PIGU: variants seen among roughly 807,000 people sequenced by gnomAD.
The protein encoded by PIGU is GPI-anchor transamidase component PIGU.
PIGU carries 24 observed loss-of-function variants against 49.9 expected under a neutral mutation model. That is an observed-to-expected ratio of 0.48 (90% CI 0.35 to 0.68). The LOEUF is 0.68. Among genes scored for constraint, PIGU ranks in the 30% least tolerant of loss-of-function variants. The probability of loss-of-function intolerance (pLI) is 0.01; values close to 1 mark genes in which losing one functional copy is unlikely to be tolerated. For synonymous variants in PIGU, 220 were observed against 205.7 expected, an observed-to-expected ratio of 1.07 and a Z score of -0.59; for missense variants, 490 against 532.6, an observed-to-expected ratio of 0.92 and a Z score of 0.79.
Position 34,560,630 on chromosome 20 carries a change from G to T in PIGU, c.*236C>A. The T allele has an allele frequency of 4.5e-6, 2 of 440,158 alleles. No homozygotes were observed. Among genetic ancestry groups the T allele is most frequent in the Non-Finnish European group, 8.0e-6 (2 of 249,542 alleles). The allele number at this position is 440,158 out of a possible 1,614,324, so 27.3% of individuals were successfully genotyped here. On this transcript the variant is annotated 3_prime_UTR_variant, in exon 12 of 12. Coordinates refer to ENST00000217446, the MANE Select transcript of PIGU (RefSeq NM_080476.5). ...TCTTCTCCTTCCTGTCTGGGAGGGGGCTCCTTGGTGTGCAGAGCCACAAGG... is the reference window on the plus strand; with the variant it reads ...TCTTCTCCTTCCTGTCTGGGAGGGGTCTCCTTGGTGTGCAGAGCCACAAGG...
At chr20:34,635,632 T>C (rs1985932634) in intron 5 of PIGU, among the ~76,000 whole-genome samples, 1 of 152,160 alleles carries the variant, frequency 6.6e-6, no homozygotes, top group Non-Finnish European at 1.5e-5. Context: ...TCCCAGCACT[T>C]TGGGAGGCCG....
chr20:34,608,354 G>A lies in PIGU; in HGVS notation c.627+7688C>T, dbSNP rs145247976. 4.8e-3 allele frequency among the ~76,000 whole-genome samples: 727 copies of A among 152,218 alleles called. 7 individuals are homozygous for A. Among genetic ancestry groups the A allele is most frequent in the African/African-American group, 0.016 (659 of 41,542 alleles). ...CTCCCAAAGTGCTGGGAATATAGGC[G>A]TGAGCCACCGTGCCCAGCCAAACAC... On this transcript the variant is annotated intron_variant, in intron 7 of 11. Coordinates refer to ENST00000217446, the MANE Select transcript of PIGU (RefSeq NM_080476.5).
At chr20:34,620,828 A>C (rs6142205) in intron 6 of PIGU, among the ~76,000 whole-genome samples, 54,925 of 149,234 alleles carry the variant, frequency 0.37, 10,711 homozygotes, top group Admixed American at 0.54. Context: ...AACAAAAAAA[A>C]AAAAACAAAA....
intron 11 of PIGU, among the ~76,000 whole-genome samples, chr20:34,571,839 G>C (rs1053567223): frequency 1.8e-4 from 28 of 152,160 alleles, no homozygotes; most frequent in African/African-American, 6.8e-4. Flanking sequence ...CATGAAGAGG[G>C]GCTCTCTTAC....
At chr20:34,613,085 C>T (rs181512880) in intron 7 of PIGU, among the ~76,000 whole-genome samples, 21 of 152,242 alleles carry the variant, frequency 1.4e-4, no homozygotes, top group Non-Finnish European at 2.4e-4. Context: ...CACATACAGA[C>T]GGTTACCAAG....
At chr20:34,587,494 T>C (rs545953760) in intron 8 of PIGU, among the ~76,000 whole-genome samples, 26 of 152,334 alleles carry the variant, frequency 1.7e-4, no homozygotes, top group African/African-American at 6.0e-4. Context: ...TTGTTTGTGG[T>C]GGGAACGATT....
At chr20:34,607,548 C>T (rs991212568) in intron 7 of PIGU, among the ~76,000 whole-genome samples, 3 of 152,210 alleles carry the variant, frequency 2.0e-5, no homozygotes, top group South Asian at 4.1e-4. Flanking sequence ...TTGACAGCCA[C>T]TTTCATCAGC....
intron 1 of PIGU, among the ~76,000 whole-genome samples, chr20:34,672,059 G>A (rs1427084831): frequency 2.6e-5 from 4 of 152,072 alleles, no homozygotes; most frequent in South Asian, 2.1e-4. Context: ...CTGCCTTAGC[G>A]TCCCGAGTAG....
At chr20:34,582,141 G>A (rs1983502334) in intron 9 of PIGU, among the ~76,000 whole-genome samples, 1 of 152,198 alleles carries the variant, frequency 6.6e-6, no homozygotes, top group Non-Finnish European at 1.5e-5. Flanking sequence ...ATGGTCAGCA[G>A]GGTCTACAGA....
intron 1 of PIGU, among the ~76,000 whole-genome samples, chr20:34,660,305 ACAT>A (rs1255962716): frequency 6.6e-6 from 1 of 152,176 alleles, no homozygotes; most frequent in Non-Finnish European, 1.5e-5. Context: ...ATAAAATTTT[ACAT>A]GGGCGGTGGT....
intron 6 of PIGU, among the ~76,000 whole-genome samples, chr20:34,619,541 A>G (rs1985130112): frequency 6.6e-6 from 1 of 152,240 alleles, no homozygotes; most frequent in African/African-American, 2.4e-5. Flanking sequence ...GTCTGTTACT[A>G]GAGGATGGAG....
chr20:34,609,598 C>T (rs1984739742), intron 7 of PIGU, among the ~76,000 whole-genome samples: 1 of 152,136 alleles, frequency 6.6e-6, no homozygotes, highest in South Asian at 2.1e-4. Flanking sequence ...CTCCTAACCT[C>T]AGGTGATCCA....
chr20:34,645,193 A>G, intron 3 of PIGU, 82 bp downstream of exon 3: 1 of 1,391,012 alleles, frequency 7.2e-7, no homozygotes, highest in South Asian at 1.5e-5. Context: ...ATCTCAAAAA[A>G]AAAAAAAAAA....
intron 9 of PIGU, 25 bp from the exon 10 acceptor site, chr20:34,581,697 G>C (rs950758247): frequency 8.7e-6 from 14 of 1,609,500 alleles, no homozygotes; most frequent in Non-Finnish European, 1.2e-5. Flanking sequence ...GGGAAAGAGA[G>C]AGAGAGATGA....
At chr20:34,581,750 T>C (rs1600597356) in intron 9 of PIGU, 78 bp from the exon 10 acceptor site, 4 of 1,522,394 alleles carry the variant, frequency 2.6e-6, no homozygotes, top group East Asian at 2.3e-5. Context: ...ACTCCATCCT[T>C]TGAACCAAAA....
rs1349696739 is a variant in PIGU at position 34,585,584 on chromosome 20, G to A, written c.783-4C>T. 1 of 1,611,706 alleles carries A rather than the reference G, an allele frequency of 6.2e-7. No individual in the cohort carries two copies. The highest frequency in any genetic ancestry group is 1.1e-5 in the South Asian group (1 of 90,908). On this transcript the variant is annotated splice_region_variant and splice_polypyrimidine_tract_variant and intron_variant, in intron 8 of 11. Coordinates refer to ENST00000217446, the MANE Select transcript of PIGU (RefSeq NM_080476.5). ...AGTGAGATCTGGAACAGAAAGTCTG[G>A]AATTAAGAAAACAAAGGGAGAGAAA... is the stretch of plus-strand genomic sequence containing the variant.
intron 4 of PIGU, among the ~76,000 whole-genome samples, chr20:34,641,968 G>A (rs1205160836): frequency 6.6e-6 from 1 of 152,122 alleles, no homozygotes; most frequent in African/African-American, 2.4e-5. Context: ...ATAACAGAAT[G>A]TCTTGGTGCA....
At chr20:34,629,458 T>C (rs938401122) in intron 6 of PIGU, among the ~76,000 whole-genome samples, 1 of 152,224 alleles carries the variant, frequency 6.6e-6, no homozygotes, top group Non-Finnish European at 1.5e-5. Context: ...GTCTGTCCCC[T>C]GGCCCAAGAG....
At chr20:34,619,941 C>T (rs574299819) in intron 6 of PIGU, among the ~76,000 whole-genome samples, 1 of 152,330 alleles carries the variant, frequency 6.6e-6, no homozygotes, top group South Asian at 2.1e-4. Flanking sequence ...CTTCCTTCCA[C>T]CAGTCACCAA....
Sources: gnomAD v4.1 joint callset for allele counts (sites outside exome capture counted in the v4.1 genomes callset) on GRCh38, gnomAD v4.1.1 for gene constraint, MANE v1.5 for transcripts, NCBI Gene and HGNC (gene_info 2026-07-23, HGNC 2026-07-21) for gene names.